Variants in SCIN observed in about 807,000 individuals in gnomAD.
SCIN encodes the protein adseverin.
A neutral mutation model predicts 91.8 loss-of-function variants in SCIN; 91 were observed. The observed-to-expected ratio is 0.99, with a 90% confidence interval of 0.84 to 1.18. The LOEUF is 1.18. Among genes scored for constraint, SCIN ranks in the 50% most tolerant of loss-of-function variants. The pLI, the probability that SCIN is intolerant of heterozygous loss-of-function variation, is 0.00. For synonymous variants in SCIN, 367 were observed against 312.6 expected (o/e 1.17, Z -1.84); for missense variants, 1,087 against 863.9 (o/e 1.26, Z -3.24).
intron 8 of SCIN, among the ~76,000 whole-genome samples, chr7:12,628,692 C>T (rs1376728060): frequency 6.6e-6 from 1 of 151,788 alleles, no homozygotes; most frequent in Non-Finnish European, 1.5e-5. Flanking sequence ...AATAATAGTC[C>T]GCTATCTTAA....
In SCIN at chr7:12,626,795, T is replaced by A; in HGVS notation, c.1193T>A (p.Val398Glu). 3.1e-6 allele frequency: 5 copies of A among 1,604,740 alleles called. No individual in the cohort carries two copies. The highest frequency in any genetic ancestry group is 4.3e-6 in the Non-Finnish European group (5 of 1,175,412). Residue 398 changes from valine (V) to glutamate (E), a missense_variant, in exon 8 of 16, where the codon GTG becomes GAG. Coordinates refer to ENST00000297029, the MANE Select transcript of SCIN (RefSeq NM_001112706.3). ...ATGGTGGATGATGGTTCTGGCAAAG[T>A]GGAGGTATTTACCTGTTTTTGTTTT... ...HNMVDDGSGKVEIWRVENNGR... is the reference protein window; with the variant it reads ...HNMVDDGSGKEEIWRVENNGR...
At chr7:12,594,089 A>G (rs1328474852) in intron 3 of SCIN, among the ~76,000 whole-genome samples, 2 of 152,206 alleles carry the variant, frequency 1.3e-5, no homozygotes, top group Non-Finnish European at 2.9e-5. Context: ...CCGGAGAGGA[A>G]GCAAGGGAGC....
rs1784155529 is a variant in SCIN, at chr7:12,655,904, C to G, written c.*3189C>G. ...GAAAGAACAGAAAGACCCAGGAAGC[C>G]TACTGTTAGTAGAGGTCAGCCTCAT... On this transcript the variant is annotated 3_prime_UTR_variant, in exon 16 of 16. Transcript: ENST00000297029. The G allele has an allele frequency of 6.6e-6, 1 of 152,104 alleles. No individual in the cohort carries two copies. Among genetic ancestry groups the G allele is most frequent in the Non-Finnish European group, 1.5e-5 (1 of 68,018 alleles). The allele number at this position is 152,104 out of a possible 1,614,324, so 9.4% of individuals were successfully genotyped here. A position where few individuals can be genotyped will look rare whatever the true frequency, so the allele number is the denominator to read the frequency against.
chr7:12,629,276 A>C (rs1783595817), intron 9 of SCIN, 54 bp downstream of exon 9: 1 of 1,549,924 alleles, frequency 6.5e-7, no homozygotes, highest in South Asian at 1.2e-5. Flanking sequence ...ATTTTGCTCC[A>C]AAGTATTAAA....
At chr7:12,634,691 G>A (rs1783711818) in intron 9 of SCIN, among the ~76,000 whole-genome samples, 1 of 152,070 alleles carries the variant, frequency 6.6e-6, no homozygotes, top group Admixed American at 6.6e-5. Context: ...ACCATGTTTG[G>A]GGCTTTGTTT....
In SCIN at chr7:12,656,781, G is replaced by C. The variant is rs528594312; in HGVS notation, c.*4066G>C. ...TACTAAAAATACAAAAAATTAGCTGGGCGTAGTGGCGGGCGCCTGTAATCC... is the reference window on the plus strand; with the variant it reads ...TACTAAAAATACAAAAAATTAGCTGCGCGTAGTGGCGGGCGCCTGTAATCC... On this transcript the variant is annotated 3_prime_UTR_variant, in exon 16 of 16. Coordinates refer to ENST00000297029, the MANE Select transcript of SCIN (RefSeq NM_001112706.3). 1 of 152,172 alleles carries C rather than the reference G, an allele frequency of 6.6e-6. No individual in the cohort carries two copies. The highest frequency in any genetic ancestry group is 6.5e-5 in the Admixed American group (1 of 15,270). 9.4% of individuals were successfully genotyped at this position (152,172 alleles called of 1,614,324 possible).
At chr7:12,612,875 A>C (rs1783225023) in intron 4 of SCIN, among the ~76,000 whole-genome samples, 3 of 152,190 alleles carry the variant, frequency 2.0e-5, no homozygotes, top group African/African-American at 4.8e-5. Flanking sequence ...TGTCACACCA[A>C]ATTTCATAAC....
In SCIN at chr7:12,657,564, ATATATATATT is replaced by A. The variant is rs1438445285; in HGVS notation, c.*4851_*4860del. 5 of 28,190 alleles carry A rather than the reference ATATATATATT, an allele frequency of 1.8e-4. No individual in the cohort carries two copies. The highest frequency in any genetic ancestry group is 2.3e-4 in the African/African-American group (2 of 8,748). 1.7% of individuals were successfully genotyped at this position (28,190 alleles called of 1,614,324 possible). On this transcript the variant is annotated 3_prime_UTR_variant, in exon 16 of 16. Transcript: ENST00000297029. ...TATATATATATATATATATATATAT[ATATATATATT>A]TTTTTTTTTTTTTTTTTTTTTTTTG...
intron 4 of SCIN, among the ~76,000 whole-genome samples, chr7:12,607,581 C>A (rs890126675): frequency 6.6e-6 from 1 of 152,160 alleles, no homozygotes; most frequent in African/African-American, 2.4e-5. Flanking sequence ...TTCCAAGACT[C>A]CTCAGTTTGG....
intron 1 of SCIN, chr7:12,577,446 T>C: frequency 4.5e-6 from 2 of 443,840 alleles, no homozygotes; most frequent in South Asian, 3.2e-5. Context: ...TTATTGACCT[T>C]ACCAAATTAA....
intron 4 of SCIN, among the ~76,000 whole-genome samples, chr7:12,621,647 T>G (rs541116567): frequency 1.1e-4 from 17 of 150,528 alleles, no homozygotes; most frequent in African/African-American, 3.6e-4. Context: ...GTTTTTTTTT[T>G]TTTTTTTTTT....
intron 7 of SCIN, 26 bp from the exon 8 acceptor site, chr7:12,626,558 A>G: frequency 2.8e-6 from 4 of 1,443,044 alleles, no homozygotes; most frequent in Non-Finnish European, 3.8e-6. Flanking sequence ...TTTCCTGTTT[A>G]CTATTATTAT....
At chr7:12,620,867 A>T (rs775419122) in intron 4 of SCIN, among the ~76,000 whole-genome samples, 1 of 152,136 alleles carries the variant, frequency 6.6e-6, no homozygotes, top group Admixed American at 6.6e-5. Flanking sequence ...AGGAGCTCCA[A>T]ACTTGCAAGA....
chr7:12,597,172 A>T (rs1394717262), intron 3 of SCIN, among the ~76,000 whole-genome samples: 1 of 152,242 alleles, frequency 6.6e-6, no homozygotes, highest in Non-Finnish European at 1.5e-5. Context: ...ACGAGATGTC[A>T]TATTTTAAAC....
chr7:12,619,396 A>G lies in SCIN; in HGVS notation c.667-3405A>G, dbSNP rs1011444199. 3.3e-5 allele frequency among the ~76,000 whole-genome samples: 5 copies of G among 152,178 alleles called. No individual in the cohort carries two copies. In the South Asian group the frequency reaches 8.3e-4, roughly 25 times the overall value. ...GTAAAAAATAAATAAATAAATAAAA[A>G]CAGAGGTACATGCTGTGAAAAACTA... On this transcript the variant is annotated intron_variant, in intron 4 of 15. Transcript: ENST00000297029.
At chr7:12,605,942 A>G (rs1266873070) in intron 4 of SCIN, among the ~76,000 whole-genome samples, 2 of 152,178 alleles carry the variant, frequency 1.3e-5, no homozygotes, top group African/African-American at 4.8e-5. Flanking sequence ...AATCTTAGGC[A>G]TTTGGTTGTG....
intron 13 of SCIN, among the ~76,000 whole-genome samples, chr7:12,648,395 C>T (rs970152525): frequency 6.7e-6 from 1 of 150,326 alleles, no homozygotes. Flanking sequence ...CTCCCAGGTT[C>T]AAGCAATTCT....
intron 10 of SCIN, among the ~76,000 whole-genome samples, chr7:12,637,303 G>A (rs2529780): frequency 0.24 from 36,125 of 152,138 alleles, 4,842 homozygotes; most frequent in South Asian, 0.42. Flanking sequence ...GTAAACATGC[G>A]TAAGTTATGT....
At chr7:12,625,451 T>TTTC (rs1554295412) in intron 6 of SCIN, among the ~76,000 whole-genome samples, 5,260 of 146,602 alleles carry the variant, frequency 0.036, 148 homozygotes, top group Non-Finnish European at 0.046. Context: ...TTTTTTTTTT[T>TTTC]CCGTCGCCCA....
Sources: allele counts gnomAD v4.1 joint callset (sites outside exome capture counted in the v4.1 genomes callset), GRCh38; gene constraint gnomAD v4.1.1; transcripts MANE v1.5; gene names NCBI Gene and HGNC (gene_info 2026-07-23, HGNC 2026-07-21).